Variants in SPOCK1 observed in about 807,000 individuals in gnomAD.
The protein encoded by SPOCK1 is SPARC (osteonectin), cwcv and kazal like domains proteoglycan 1, also known as testican-1.
A neutral mutation model predicts 55.3 loss-of-function variants in SPOCK1; 23 were observed. The observed-to-expected ratio is 0.42, with a 90% CI of 0.30 to 0.59. The LOEUF (loss-of-function observed/expected upper bound fraction) is 0.59. Among genes scored for constraint, SPOCK1 ranks in the 20% least tolerant of loss-of-function variants. The pLI is 0.22. For synonymous variants in SPOCK1, 226 were observed against 221.0 expected, an observed-to-expected ratio of 1.02 and a Z score of -0.20; for missense variants, 499 against 552.5, an observed-to-expected ratio of 0.90 and a Z score of 0.97.
intron 2 of SPOCK1, among the ~76,000 whole-genome samples, chr5:137,281,981 T>C (rs1268253096): frequency 6.6e-6 from 1 of 152,214 alleles, no homozygotes; most frequent in Non-Finnish European, 1.5e-5. Flanking sequence ...GATGTTTCTA[T>C]TGCCATTGCC....
Position 137,132,006 on chromosome 5 carries a change from AT to A in SPOCK1, c.347+8573del, listed in dbSNP as rs1380218331. Among the ~76,000 whole-genome samples the A allele has an allele frequency of 2.2e-4, 19 of 87,896 alleles. 1 individual carries two copies. The highest frequency in any genetic ancestry group is 8.5e-4 in the African/African-American group (16 of 18,822). The allele number at this position is 87,896 out of a possible 152,430, so 57.7% of individuals were successfully genotyped here. A position where few individuals can be genotyped will look rare whatever the true frequency, so the allele number is the denominator to read the frequency against. On this transcript the variant is annotated intron_variant, in intron 4 of 10. Coordinates refer to ENST00000394945, the MANE Select transcript of SPOCK1 (RefSeq NM_004598.4). ...AAAAAAAAAATATATATATATATAT[AT>A]ATATATATATATAAAAAATTAGCTG...
intron 4 of SPOCK1, among the ~76,000 whole-genome samples, chr5:137,137,118 T>G (rs2127049036): frequency 6.6e-6 from 1 of 152,330 alleles, no homozygotes; most frequent in South Asian, 2.1e-4. Flanking sequence ...GTGCTCACTG[T>G]CCTTCTGTCT....
intron 2 of SPOCK1, among the ~76,000 whole-genome samples, chr5:137,453,850 A>C (rs1580936027): frequency 6.6e-6 from 1 of 152,088 alleles, no homozygotes; most frequent in East Asian, 1.9e-4. Context: ...ATTAAAAGTA[A>C]ATGAAAAATC....
At chr5:137,035,379 A>G (rs1751864056) in intron 6 of SPOCK1, among the ~76,000 whole-genome samples, 4 of 151,956 alleles carry the variant, frequency 2.6e-5, no homozygotes. Context: ...CTGGGCAGAG[A>G]CTCCGATTTG....
In SPOCK1 at chr5:137,044,847, T is replaced by C. The variant is rs1281898161; in HGVS notation, c.589+22868A>G. 9.1e-4 allele frequency among the ~76,000 whole-genome samples: 129 copies of C among 141,712 alleles called. 1 individual carries two copies. The highest frequency in any genetic ancestry group is 1.6e-3 in the Non-Finnish European group (104 of 65,560). The allele number at this position is 141,712 out of a possible 152,430, so 93.0% of individuals were successfully genotyped here. ...TGTGATATTCCCCTTCCTGTGTCCA[T>C]GTGATCTCATTGTTCAATTCCCGCC... is the stretch of plus-strand genomic sequence containing the variant. On this transcript the variant is annotated intron_variant, in intron 6 of 10. Coordinates refer to ENST00000394945, the MANE Select transcript of SPOCK1 (RefSeq NM_004598.4).
chr5:136,990,487 C>T (rs1487721056), intron 7 of SPOCK1, among the ~76,000 whole-genome samples: 2 of 150,230 alleles, frequency 1.3e-5, no homozygotes, highest in African/African-American at 4.9e-5. Flanking sequence ...TGCTTTAAAA[C>T]ATAAAATCTT....
intron 2 of SPOCK1, among the ~76,000 whole-genome samples, chr5:137,444,997 G>A (rs553313506): frequency 7.9e-5 from 12 of 152,194 alleles, no homozygotes; most frequent in Non-Finnish European, 1.8e-4. Flanking sequence ...TCAATCAACT[G>A]TAGGTATCTG....
chr5:137,005,403 GA>G (rs11305982), intron 6 of SPOCK1, among the ~76,000 whole-genome samples: 121,365 of 151,160 alleles, frequency 0.8, 49,878 homozygotes, highest in South Asian at 0.93. Flanking sequence ...TCTAGGTTTT[GA>G]AAAAAAAAGG....
At position 136,978,552 on chromosome 5, in the gene SPOCK1, A is replaced by G. The variant is rs547282314; in HGVS notation, c.*102T>C. On this transcript the variant is annotated 3_prime_UTR_variant, in exon 11 of 11. Transcript: ENST00000394945. ...CTTAGGTCGGGTATAGAGAGCAACA[A>G]TGGAGAAGAGACCTTGGTGCCTTGG... 2.4e-5 allele frequency: 32 copies of G among 1,316,348 alleles called. No homozygotes were observed. The East Asian group carries it at 7.1e-4, about 29-fold the overall frequency. 81.5% of individuals were successfully genotyped at this position (1,316,348 alleles called of 1,614,324 possible). A position where few individuals can be genotyped will look rare whatever the true frequency, so the allele number is the denominator to read the frequency against.
At chr5:137,065,221 T>G in intron 6 of SPOCK1, among the ~76,000 whole-genome samples, 1 of 83,826 alleles carries the variant, frequency 1.2e-5, no homozygotes, top group African/African-American at 4.2e-5. Flanking sequence ...GAGCGAGATT[T>G]CATCTCAAAA....
chr5:137,456,208 T>C (rs1227517429), intron 2 of SPOCK1, among the ~76,000 whole-genome samples: 1 of 152,168 alleles, frequency 6.6e-6, no homozygotes, highest in Non-Finnish European at 1.5e-5. Context: ...CAGTGTTTAA[T>C]TATCACCGCC....
chr5:137,283,022 G>A (rs573667771), intron 2 of SPOCK1, among the ~76,000 whole-genome samples: 1 of 152,336 alleles, frequency 6.6e-6, no homozygotes, highest in South Asian at 2.1e-4. Flanking sequence ...GTGCAGTGCA[G>A]ATGTGGGCAT....
At chr5:137,156,010 T>C (rs1368673024) in intron 3 of SPOCK1, among the ~76,000 whole-genome samples, 1 of 152,192 alleles carries the variant, frequency 6.6e-6, no homozygotes, top group Non-Finnish European at 1.5e-5. Context: ...TTGAAAACTT[T>C]TCAGACTACG....
In SPOCK1 at chr5:136,992,606, GA is replaced by G; in HGVS notation, c.590-7del. On this transcript the variant is annotated splice_region_variant and splice_polypyrimidine_tract_variant and intron_variant, in intron 6 of 10. Coordinates refer to ENST00000394945, the MANE Select transcript of SPOCK1 (RefSeq NM_004598.4). ...CAACTCCTTGTCTGTGCAGGCTAGA[GA>G]AAAGCAAACAGAACAGACAATGGGG... The G allele has an allele frequency of 1.2e-6, 2 of 1,609,210 alleles. No individual in the cohort carries two copies. The highest frequency in any genetic ancestry group is 1.7e-6 in the Non-Finnish European group (2 of 1,177,584).
At chr5:137,217,720 T>C (rs1020550215) in intron 3 of SPOCK1, among the ~76,000 whole-genome samples, 4 of 152,236 alleles carry the variant, frequency 2.6e-5, no homozygotes, top group African/African-American at 9.6e-5. Flanking sequence ...GATCATCTAC[T>C]ATGCAAAGTA....
rs1753796474 is a variant in SPOCK1, at chr5:137,127,199, G to C, written c.347+13381C>G. On this transcript the variant is annotated intron_variant, in intron 4 of 10. Coordinates refer to ENST00000394945, the MANE Select transcript of SPOCK1 (RefSeq NM_004598.4). ...GCCAAGAGCTATCATCAAAGACAAG[G>C]AAAGAGCAATTCAGAAATCATCAGG... Among the ~76,000 whole-genome samples the C allele has an allele frequency of 1.3e-5, 2 of 152,164 alleles. 1 individual carries two copies. Among genetic ancestry groups the C allele is most frequent in the Non-Finnish European group, 2.9e-5 (2 of 68,024 alleles).
intron 3 of SPOCK1, among the ~76,000 whole-genome samples, chr5:137,201,835 G>A (rs1244857125): frequency 6.6e-6 from 1 of 152,102 alleles, no homozygotes; most frequent in African/African-American, 2.4e-5. Context: ...ACTCTGAGGG[G>A]CCTATACTAA....
intron 3 of SPOCK1, among the ~76,000 whole-genome samples, chr5:137,191,951 G>T (rs1330859733): frequency 1.3e-5 from 2 of 152,104 alleles, no homozygotes; most frequent in Admixed American, 6.6e-5. Flanking sequence ...GCCAGGCGCA[G>T]TGGCCGGGTG....
chr5:137,109,061 T>G (rs533438131), intron 5 of SPOCK1, among the ~76,000 whole-genome samples: 68 of 152,324 alleles, frequency 4.5e-4, no homozygotes, highest in Non-Finnish European at 7.9e-4. Flanking sequence ...AAGCTCCTCC[T>G]GCGAATGAGT....
Sources: allele counts gnomAD v4.1 joint callset (sites outside exome capture counted in the v4.1 genomes callset), GRCh38; gene constraint gnomAD v4.1.1; transcripts MANE v1.5; gene names NCBI Gene and HGNC (gene_info 2026-07-23, HGNC 2026-07-21).